Variants in HIPK3 observed in about 807,000 individuals in gnomAD.
HIPK3 encodes the protein homeodomain interacting protein kinase 3, also known as homeodomain-interacting protein kinase 3.
Under a neutral mutation model 124.2 loss-of-function variants are expected in HIPK3, and 47 were observed. That is an observed-to-expected ratio of 0.38 (90% CI 0.30 to 0.48). The LOEUF (loss-of-function observed/expected upper bound fraction) is 0.48. Ranked by LOEUF, HIPK3 falls within the 20% of genes least tolerant of loss-of-function variation. HIPK3 has a pLI of 0.98. For synonymous variants in HIPK3, 482 were observed against 515.2 expected (o/e 0.94, Z 0.87); for missense variants, 1,286 against 1,454.3 (o/e 0.88, Z 1.88).
In HIPK3 at chr11:33,286,527, G is replaced by T. The variant is rs746108673; in HGVS notation, c.113G>T (p.Arg38Ile). The T allele has an allele frequency of 2.5e-6, 4 of 1,613,748 alleles. No homozygotes were observed. The highest frequency in any genetic ancestry group is 3.4e-6 in the Non-Finnish European group (4 of 1,180,000). ...VEPSSCVFQE[R>I]NYPRTYVNGR... ...CCAAGCAGTTGTGTATTCCAGGAAA[G>T]AAACTATCCACGGACCTATGTGAAT... Residue 38 changes from arginine to isoleucine, a missense_variant, in exon 2 of 17, where the codon AGA becomes ATA. Around this residue, in one of 3 missense-constraint regions of HIPK3, gnomAD observed 225 missense variants for 240.3 expected, o/e 0.94. Coordinates refer to ENST00000303296, the MANE Select transcript of HIPK3 (RefSeq NM_005734.5).
chr11:33,352,273 C>A lies in HIPK3; in HGVS notation c.3171+8C>A, dbSNP rs1211801621. On this transcript the variant is annotated splice_region_variant and intron_variant, in intron 16 of 16. Coordinates refer to ENST00000303296, the MANE Select transcript of HIPK3 (RefSeq NM_005734.5). ...CATTTGAACTTCAGTCAGGTATGTT[C>A]ATTTGTGGATATGTAGGAGTCTGTG... is the stretch of plus-strand genomic sequence containing the variant. The A allele has an allele frequency of 6.2e-7, 1 of 1,613,548 alleles. No individual in the cohort carries two copies. The highest frequency in any genetic ancestry group is 2.2e-5 in the East Asian group (1 of 44,862).
Position 33,353,186 on chromosome 11 carries a change from C to T in HIPK3, c.3266C>T (p.Pro1089Leu), listed in dbSNP as rs1289717522. ...ATTCCTACTAGTGTTACCAGTAATC[C>T]ATTCACTCTTTCTCATGGAAGTCCC... Reference protein sequence around the residue: ...AYIPTSVTSNPFTLSHGSPNH... With the variant: ...AYIPTSVTSNLFTLSHGSPNH... Residue 1089 changes from proline to leucine, a missense_variant, in exon 17 of 17, where the codon CCA becomes CTA. Physicochemically the swap from Pro to Leu is moderately conservative, Grantham distance 98. Coordinates refer to ENST00000303296, the MANE Select transcript of HIPK3 (RefSeq NM_005734.5). The T allele has an allele frequency of 1.2e-6, 2 of 1,613,772 alleles. No homozygotes were observed. Among genetic ancestry groups the T allele is most frequent in the Non-Finnish European group, 1.7e-6 (2 of 1,179,832 alleles).
At chr11:33,282,861 T>G (rs1460700718) in intron 1 of HIPK3, among the ~76,000 whole-genome samples, 1 of 152,130 alleles carries the variant, frequency 6.6e-6, no homozygotes, top group Non-Finnish European at 1.5e-5. Context: ...GAGGATCATT[T>G]GAGAACAGGA....
chr11:33,282,212 C>T (rs1851429406), intron 1 of HIPK3, among the ~76,000 whole-genome samples: 3 of 151,456 alleles, frequency 2.0e-5, no homozygotes, highest in Admixed American at 6.6e-5. Flanking sequence ...TATGGCAAGA[C>T]CCCATCTCTA....
At position 33,327,760 on chromosome 11, in the gene HIPK3, A is replaced by G. The variant is rs556033460; in HGVS notation, c.1098-750A>G. Reference sequence around the variant, plus strand: ...AACACATGCACACTAATCTAGGATAACTGTGATCCATATGACTTCTTTGGA... The same window carrying G: ...AACACATGCACACTAATCTAGGATAGCTGTGATCCATATGACTTCTTTGGA... On this transcript the variant is annotated intron_variant, in intron 2 of 16. Transcript: ENST00000303296. 3.9e-5 allele frequency among the ~76,000 whole-genome samples: 6 copies of G among 152,322 alleles called. No homozygotes were observed. The South Asian group carries it at 1.2e-3, about 32-fold the overall frequency.
chr11:33,303,650 A>G lies in HIPK3; in HGVS notation c.1097+16139A>G, dbSNP rs76218255. Reference sequence around the variant, plus strand: ...CACACACTTCAAAATGTGTGTACCTATTTGTTCTGAGTCTTCAGCATTTTC... The same window carrying G: ...CACACACTTCAAAATGTGTGTACCTGTTTGTTCTGAGTCTTCAGCATTTTC... On this transcript the variant is annotated intron_variant, in intron 2 of 16. Coordinates refer to ENST00000303296, the MANE Select transcript of HIPK3 (RefSeq NM_005734.5). Among the ~76,000 whole-genome samples the G allele has an allele frequency of 2.8e-3, 433 of 152,196 alleles. 7 individuals carry two copies. In the East Asian group the frequency reaches 0.054, roughly 19 times the overall value.
chr11:33,354,509 G>A lies in HIPK3; in HGVS notation c.*941G>A, dbSNP rs943885800. The A allele has an allele frequency of 1.3e-5, 2 of 152,528 alleles. No individual in the cohort carries two copies. Among genetic ancestry groups the A allele is most frequent in the African/African-American group, 4.8e-5 (2 of 41,424 alleles). The allele number at this position is 152,528 out of a possible 1,614,324, so 9.4% of individuals were successfully genotyped here. A position where few individuals can be genotyped will look rare whatever the true frequency, so the allele number is the denominator to read the frequency against. ...GCTGTATAATTGGACTTAATAAAAT[G>A]TTTAGAGGTACAGTAGGCATGACTT... On this transcript the variant is annotated 3_prime_UTR_variant, in exon 17 of 17. Transcript: ENST00000303296.
intron 2 of HIPK3, among the ~76,000 whole-genome samples, chr11:33,288,330 C>T (rs1787342715): frequency 6.6e-6 from 1 of 152,062 alleles, no homozygotes; most frequent in Non-Finnish European, 1.5e-5. Context: ...TGGTGGGTGT[C>T]TATAATCCCA....
At chr11:33,335,172 A>G (rs1295803617) in intron 3 of HIPK3, among the ~76,000 whole-genome samples, 3 of 152,206 alleles carry the variant, frequency 2.0e-5, no homozygotes, top group Non-Finnish European at 4.4e-5. Flanking sequence ...TTGGAGATAT[A>G]GAGTCCAGCC....
rs374739374 is a variant in HIPK3 at position 33,300,826 on chromosome 11, G to A, written c.1097+13315G>A. On this transcript the variant is annotated intron_variant, in intron 2 of 16. Transcript: ENST00000303296. ...CTTGGCTTACTGCAACCTCCACCCC[G>A]CCGGGCTCATATGACCCTCTCACCT... Among the ~76,000 whole-genome samples the A allele has an allele frequency of 1.1e-4, 16 of 152,028 alleles. No homozygotes were observed. In the East Asian group the frequency reaches 1.4e-3, roughly 13 times the overall value.
chr11:33,271,805 ATC>A (rs1417797010), intron 1 of HIPK3, among the ~76,000 whole-genome samples: 7 of 152,334 alleles, frequency 4.6e-5, no homozygotes, highest in Admixed American at 1.3e-4. Flanking sequence ...ATTTAAAAAA[ATC>A]TCTTCAGCCA....
chr11:33,344,149 A>C (rs546957035), intron 8 of HIPK3, among the ~76,000 whole-genome samples: 1 of 152,344 alleles, frequency 6.6e-6, no homozygotes, highest in African/African-American at 2.4e-5. Context: ...CCTACAGTGC[A>C]CATACATGTA....
intron 3 of HIPK3, chr11:33,335,568 G>A (rs1457903323): frequency 1.3e-5 from 2 of 152,088 alleles, no homozygotes; most frequent in Non-Finnish European, 2.9e-5. Context: ...GTGTTGAGGT[G>A]TGAATGGGAA....
chr11:33,271,488 C>T (rs1851122991), intron 1 of HIPK3, among the ~76,000 whole-genome samples: 1 of 152,126 alleles, frequency 6.6e-6, no homozygotes, highest in African/African-American at 2.4e-5. Context: ...ATCACTTGAG[C>T]CCTGGTGGTC....
chr11:33,339,242 C>A, intron 5 of HIPK3, 108 bp from the exon 6 acceptor site: 2 of 712,584 alleles, frequency 2.8e-6, no homozygotes, highest in Non-Finnish European at 4.7e-6. Flanking sequence ...ATTGTAGTTC[C>A]CTCTCCTCTC....
intron 12 of HIPK3, 65 bp downstream of exon 12, chr11:33,348,293 C>G: frequency 7.1e-7 from 1 of 1,407,122 alleles, no homozygotes; most frequent in Non-Finnish European, 1.0e-6. Context: ...TGTGGACATT[C>G]AGATAGCACA....
chr11:33,320,210 A>G (rs1478567191), intron 2 of HIPK3, among the ~76,000 whole-genome samples: 1 of 152,222 alleles, frequency 6.6e-6, no homozygotes, highest in Non-Finnish European at 1.5e-5. Context: ...TGAGATAGGA[A>G]GCTATCAGGG....
intron 2 of HIPK3, among the ~76,000 whole-genome samples, chr11:33,325,397 T>C (rs903427006): frequency 5.9e-5 from 9 of 152,228 alleles, no homozygotes; most frequent in African/African-American, 1.2e-4. Flanking sequence ...ATAAAACTTT[T>C]ATACACACAG....
chr11:33,332,689 G>T lies in HIPK3; in HGVS notation c.1221+4056G>T, dbSNP rs1853022422. Reference sequence around the variant, plus strand: ...ACTGCAGAGAAAATAAATCTTTCAAGATTTCTATTTTTGTCAGGCTATTTA... The same window carrying T: ...ACTGCAGAGAAAATAAATCTTTCAATATTTCTATTTTTGTCAGGCTATTTA... On this transcript the variant is annotated intron_variant, in intron 3 of 16. Coordinates refer to ENST00000303296, the MANE Select transcript of HIPK3 (RefSeq NM_005734.5). Among the ~76,000 whole-genome samples the T allele has an allele frequency of 2.0e-5, 3 of 152,168 alleles. No individual in the cohort carries two copies. The South Asian group carries it at 6.2e-4, about 32-fold the overall frequency.
Sources: gnomAD v4.1 joint callset for allele counts (sites outside exome capture counted in the v4.1 genomes callset) on GRCh38, gnomAD v4.1.1 for gene constraint, gnomAD v4.1.1 regional missense constraint, MANE v1.5 for transcripts, NCBI Gene and HGNC (gene_info 2026-07-23, HGNC 2026-07-21) for gene names.